Variants in KANK1 observed in about 807,000 individuals in gnomAD.
KANK1 encodes the protein KN motif and ankyrin repeat domain-containing protein 1.
KANK1 carries 109 observed loss-of-function variants against 106.2 expected under a neutral mutation model. The ratio of observed to expected loss-of-function variants is 1.03; its 90% CI spans 0.88 to 1.20. The LOEUF (loss-of-function observed/expected upper bound fraction) is 1.20. Among genes scored for constraint, KANK1 ranks in the 50% most tolerant of loss-of-function variants. The probability of loss-of-function intolerance (pLI) is 0.00; values close to 1 mark genes in which losing one functional copy is unlikely to be tolerated. For missense variants in KANK1, 2,399 were observed against 1,710.7 expected, an observed-to-expected ratio of 1.40 and a Z score of -7.10; for synonymous variants, 873 against 652.2, an observed-to-expected ratio of 1.34 and a Z score of -5.16.
chr9:559,506 A>G (rs1260065010), intron 1 of KANK1, among the ~76,000 whole-genome samples: 1 of 152,182 alleles, frequency 6.6e-6, no homozygotes, highest in South Asian at 2.1e-4. Flanking sequence ...GTTTCATTAT[A>G]TCTTGGGACA....
intron 10 of KANK1, among the ~76,000 whole-genome samples, chr9:743,476 T>G (rs1219343730): frequency 6.6e-6 from 1 of 152,208 alleles, no homozygotes; most frequent in Non-Finnish European, 1.5e-5. Context: ...TTTACTTCTA[T>G]TATCTTTCAA....
intron 1 of KANK1, among the ~76,000 whole-genome samples, chr9:520,398 C>G (rs1210369364): frequency 1.3e-5 from 2 of 151,448 alleles, no homozygotes; most frequent in East Asian, 1.9e-4. Context: ...ATTAACACTT[C>G]TGCTTGTGTG....
intron 1 of KANK1, among the ~76,000 whole-genome samples, chr9:636,622 CTT>C: frequency 6.6e-6 from 1 of 152,324 alleles, no homozygotes; most frequent in East Asian, 1.9e-4. Context: ...AATCCCAACA[CTT>C]TGGGAGGCCA....
intron 2 of KANK1, chr9:686,835 G>A (rs986963981): frequency 1.0e-6 from 1 of 984,416 alleles, no homozygotes; most frequent in Non-Finnish European, 1.2e-6. Flanking sequence ...TGTTACTTGG[G>A]TGCTAGAAAA....
chr9:505,689 C>A (rs901196589), intron 1 of KANK1, among the ~76,000 whole-genome samples: 1 of 152,188 alleles, frequency 6.6e-6, no homozygotes, highest in African/African-American at 2.4e-5. Flanking sequence ...TTATGGCGTC[C>A]GCCAGCGCTC....
chr9:604,583 G>A (rs1014833872), intron 1 of KANK1, among the ~76,000 whole-genome samples: 7 of 151,786 alleles, frequency 4.6e-5, no homozygotes, highest in East Asian at 3.9e-4. Flanking sequence ...TGTAATCCCA[G>A]CACTTTGAGA....
intron 1 of KANK1, among the ~76,000 whole-genome samples, chr9:544,415 G>A (rs971018136): frequency 6.6e-6 from 1 of 152,114 alleles, no homozygotes; most frequent in East Asian, 1.9e-4. Context: ...CGCATCTGGT[G>A]CAGAGAGGGG....
At chr9:599,057 C>A (rs1318892210) in intron 1 of KANK1, among the ~76,000 whole-genome samples, 2 of 126,862 alleles carry the variant, frequency 1.6e-5, no homozygotes, top group African/African-American at 6.2e-5. Context: ...TCGCTTTTGT[C>A]ACCCAGGCTG....
chr9:687,235 T>C (rs1818789766), intron 2 of KANK1, among the ~76,000 whole-genome samples: 1 of 152,180 alleles, frequency 6.6e-6, no homozygotes, highest in African/African-American at 2.4e-5. Flanking sequence ...GCCCCGAGGC[T>C]GCGAGCATTG....
intron 1 of KANK1, among the ~76,000 whole-genome samples, chr9:616,918 A>G (rs553759997): frequency 9.8e-5 from 15 of 152,326 alleles, no homozygotes; most frequent in Non-Finnish European, 2.2e-4. Flanking sequence ...GCAAGTCACA[A>G]TGCCACACCC....
At chr9:613,407 C>G (rs1831038377) in intron 1 of KANK1, among the ~76,000 whole-genome samples, 3 of 151,648 alleles carry the variant, frequency 2.0e-5, no homozygotes, top group Admixed American at 2.0e-4. Context: ...GCATGTGGCC[C>G]AGGACAGCTT....
chr9:568,903 A>C (rs573238447), intron 1 of KANK1, among the ~76,000 whole-genome samples: 1 of 152,318 alleles, frequency 6.6e-6, no homozygotes, highest in East Asian at 1.9e-4. Context: ...ATGTTTTGCC[A>C]AATTTATATC....
At chr9:563,018 A>G (rs1256454588) in intron 1 of KANK1, among the ~76,000 whole-genome samples, 1 of 152,184 alleles carries the variant, frequency 6.6e-6, no homozygotes, top group Non-Finnish European at 1.5e-5. Context: ...CAATTCTCAA[A>G]TCACTCTCAC....
At chr9:734,993 C>T (rs1192356540) in intron 7 of KANK1, among the ~76,000 whole-genome samples, 158 bp downstream of exon 7, 1 of 152,154 alleles carries the variant, frequency 6.6e-6, no homozygotes, top group Non-Finnish European at 1.5e-5. Context: ...TGTGGTCTTG[C>T]TCCCTGGATC....
chr9:506,093 A>G lies in KANK1; in HGVS notation c.-84+1339A>G, dbSNP rs568294733. ...TTTTTAATATATCCGTAAAGTTATG[A>G]AATCATCACTACCATCTGATTCCAT... On this transcript the variant is annotated intron_variant, in intron 1 of 11. Transcript: ENST00000382297. Among the ~76,000 whole-genome samples the G allele has an allele frequency of 4.6e-5, 7 of 152,318 alleles. No individual in the cohort carries two copies. In the South Asian group the frequency reaches 1.5e-3, roughly 32 times the overall value.
At chr9:593,860 G>A (rs1298043198) in intron 1 of KANK1, among the ~76,000 whole-genome samples, 1 of 151,932 alleles carries the variant, frequency 6.6e-6, no homozygotes, top group Non-Finnish European at 1.5e-5. Flanking sequence ...TGGGATGGCA[G>A]GTGGGGTGCT....
chr9:664,444 C>T (rs7042465), intron 1 of KANK1, among the ~76,000 whole-genome samples: 20,204 of 152,002 alleles, frequency 0.13, 1,654 homozygotes, highest in East Asian at 0.32. Flanking sequence ...TGTATTTTTA[C>T]CACACTTTCT....
At chr9:497,808 G>C (rs1317454917) in intron 3 of KANK1, among the ~76,000 whole-genome samples, 3 of 151,646 alleles carry the variant, frequency 2.0e-5, no homozygotes, top group Admixed American at 1.3e-4. Flanking sequence ...AGCCGTGATT[G>C]TGCCACTGCA....
upstream of KANK1, among the ~76,000 whole-genome samples, chr9:503,871 C>T (rs1433624651): frequency 6.6e-6 from 1 of 152,230 alleles, no homozygotes; most frequent in African/African-American, 2.4e-5. Flanking sequence ...CCAGTTCAAT[C>T]CTGAGCCCCC....
Sources: gnomAD v4.1 joint callset for allele counts (sites outside exome capture counted in the v4.1 genomes callset) on GRCh38, gnomAD v4.1.1 for gene constraint, MANE v1.5 for transcripts, NCBI Gene and HGNC (gene_info 2026-07-23, HGNC 2026-07-21) for gene names.